The following RAP1GAP2 variants were observed in gnomAD, a reference collection of about 807,000 sequenced individuals.
RAP1GAP2 encodes rap1 GTPase-activating protein 2.
RAP1GAP2 carries 27 observed loss-of-function variants against 95.0 expected under a neutral mutation model. The observed-to-expected ratio is 0.28, with a 90% CI of 0.21 to 0.39. The LOEUF (loss-of-function observed/expected upper bound fraction) is 0.39. RAP1GAP2 is among the 10% of genes least tolerant of loss of function. The pLI, the probability that RAP1GAP2 is intolerant of heterozygous loss-of-function variation, is 1.00. For missense variants in RAP1GAP2, 771 were observed against 970.0 expected, an observed-to-expected ratio of 0.79 and a Z score of 2.72; for synonymous variants, 373 against 380.9, an observed-to-expected ratio of 0.98 and a Z score of 0.24.
chr17:2,957,671 G>A, intron 3 of RAP1GAP2, 88 bp from the exon 4 acceptor site: 2 of 1,411,582 alleles, frequency 1.4e-6, no homozygotes, highest in East Asian at 4.8e-5. Flanking sequence ...CCCAGGCTCA[G>A]CTTCCTGATA....
At chr17:2,884,517 C>G (rs370386831) in intron 2 of RAP1GAP2, among the ~76,000 whole-genome samples, 2 of 151,710 alleles carry the variant, frequency 1.3e-5, no homozygotes, top group African/African-American at 4.8e-5. Flanking sequence ...GGACTACAGG[C>G]GTGCACCACT....
rs2047160450 is a variant in RAP1GAP2, at chr17:3,027,411, C to T, written c.2107+341C>T. Among the ~76,000 whole-genome samples, 1 of 152,150 alleles carries T rather than the reference C, an allele frequency of 6.6e-6. No individual in the cohort carries two copies. Among genetic ancestry groups the T allele is most frequent in the African/African-American group, 2.4e-5 (1 of 41,434 alleles). On this transcript the variant is annotated intron_variant, in intron 22 of 24. Coordinates refer to ENST00000254695, the MANE Select transcript of RAP1GAP2 (RefSeq NM_015085.5). The surrounding 1 kb of genome is among the most constrained non-coding windows in gnomAD (Gnocchi z 5.2). ...GTGCTCCAACCCTTCTCCCCACCTG[C>T]CAGCGCTCCAGGGCTGCCAGGGCCC...
intron 4 of RAP1GAP2, among the ~76,000 whole-genome samples, chr17:2,960,957 T>C (rs1355455201): frequency 1.3e-5 from 2 of 152,246 alleles, no homozygotes; most frequent in Non-Finnish European, 2.9e-5. Context: ...GGCTCACGCC[T>C]GTAATCCCAG....
chr17:3,007,326 C>T (rs534612234), intron 16 of RAP1GAP2, among the ~76,000 whole-genome samples: 12 of 152,074 alleles, frequency 7.9e-5, no homozygotes, highest in Non-Finnish European at 1.5e-4. Context: ...TCATTGAGAA[C>T]GATGGTGACA....
chr17:2,793,475 G>A (rs1302906796), upstream of RAP1GAP2, among the ~76,000 whole-genome samples: 1 of 152,164 alleles, frequency 6.6e-6, no homozygotes, highest in African/African-American at 2.4e-5. Flanking sequence ...TTCTTGCAAC[G>A]TATGCAACAC....
At chr17:2,793,406 G>A (rs1172754969), upstream of RAP1GAP2, among the ~76,000 whole-genome samples, 1 of 152,104 alleles carries the variant, frequency 6.6e-6, no homozygotes, top group African/African-American at 2.4e-5. Flanking sequence ...TCCCTGCCTC[G>A]GTCTCCCAAA....
chr17:3,037,043 TAA>T lies in RAP1GAP2; in HGVS notation c.*3684_*3685del, dbSNP rs1406966037. 6.6e-6 allele frequency: 1 copy of T among 152,546 alleles called. No individual in the cohort carries two copies. Among genetic ancestry groups the T allele is most frequent in the Admixed American group, 6.5e-5 (1 of 15,274 alleles). 9.4% of individuals were successfully genotyped at this position (152,546 alleles called of 1,614,324 possible). On this transcript the variant is annotated 3_prime_UTR_variant, in exon 25 of 25. Coordinates refer to ENST00000254695, the MANE Select transcript of RAP1GAP2 (RefSeq NM_015085.5). The stretch of plus-strand genomic sequence containing the variant: ...CTGTATCGAGGCAAGGGGAGGCCAG[TAA>T]AGTTTGCCAAGCCTGATCCTGCAGC...
intron 1 of RAP1GAP2, among the ~76,000 whole-genome samples, chr17:2,757,283 T>G (rs2071165889): frequency 6.6e-6 from 1 of 151,950 alleles, no homozygotes; most frequent in Non-Finnish European, 1.5e-5. Flanking sequence ...CACGCCCAGC[T>G]AATTTTTGTA....
At chr17:2,851,083 AAAGT>A (rs1013637051) in intron 2 of RAP1GAP2, among the ~76,000 whole-genome samples, 2 of 152,152 alleles carry the variant, frequency 1.3e-5, no homozygotes, top group African/African-American at 4.8e-5. Context: ...AAAAAGTGAA[AAAGT>A]AAGTTGATGT....
In RAP1GAP2 at chr17:3,004,868, G is replaced by A. The variant is rs117464358; in HGVS notation, c.1201-501G>A. 0.014 allele frequency among the ~76,000 whole-genome samples: 2,083 copies of A among 152,348 alleles called. 20 individuals are homozygous for A. Among genetic ancestry groups the A allele is most frequent in the Non-Finnish European group, 0.021 (1,409 of 68,026 alleles). On this transcript the variant is annotated intron_variant, in intron 14 of 24. Coordinates refer to ENST00000254695, the MANE Select transcript of RAP1GAP2 (RefSeq NM_015085.5). This position sits in a 1 kb window ranked among gnomAD's most constrained non-coding sequence, Gnocchi z 4.1. ...AGCAATTCTGATTTATGGCCGAGCT[G>A]AGGAGTCAGGCTTGGGAAGAGAACC... is the stretch of plus-strand genomic sequence containing the variant.
At chr17:2,974,835 C>G (rs575926609) in intron 8 of RAP1GAP2, among the ~76,000 whole-genome samples, 2 of 148,672 alleles carry the variant, frequency 1.3e-5, no homozygotes, top group East Asian at 3.9e-4. Context: ...GGAGGATTAA[C>G]AAAAAGAAAG....
intron 2 of RAP1GAP2, among the ~76,000 whole-genome samples, chr17:2,848,771 T>C (rs2071697223): frequency 1.3e-5 from 2 of 152,118 alleles, no homozygotes; most frequent in Non-Finnish European, 1.5e-5. Context: ...GCCACGGCCT[T>C]CCAAAGTGTT....
chr17:2,948,152 A>T (rs758838610), intron 3 of RAP1GAP2, among the ~76,000 whole-genome samples: 1 of 152,110 alleles, frequency 6.6e-6, no homozygotes, highest in Non-Finnish European at 1.5e-5. Context: ...CAGCTCTGTG[A>T]GTTAGCGGTC....
chr17:3,006,376 T>C (rs1190731856), intron 16 of RAP1GAP2, among the ~76,000 whole-genome samples: 1 of 151,362 alleles, frequency 6.6e-6, no homozygotes, highest in Non-Finnish European at 1.5e-5. Context: ...GTGATCCGCC[T>C]GGCCCAGCCT....
At chr17:2,898,104 G>T (rs1217197822) in intron 2 of RAP1GAP2, among the ~76,000 whole-genome samples, 1 of 151,984 alleles carries the variant, frequency 6.6e-6, no homozygotes, top group Non-Finnish European at 1.5e-5. Flanking sequence ...ATGGAGATGG[G>T]ATTTCACCAT....
At chr17:2,767,491 G>A (rs2068299284) in intron 1 of RAP1GAP2, among the ~76,000 whole-genome samples, 1 of 151,676 alleles carries the variant, frequency 6.6e-6, no homozygotes, top group Admixed American at 6.6e-5. Context: ...AACCCAGGAG[G>A]TGACTTTTAT....
upstream of RAP1GAP2, among the ~76,000 whole-genome samples, chr17:2,773,515 T>G (rs543117804): frequency 6.6e-6 from 1 of 151,952 alleles, no homozygotes; most frequent in Non-Finnish European, 1.5e-5. Context: ...CTGAGTTCTA[T>G]TCAGTGTGTT....
At position 2,866,845 on chromosome 17, in the gene RAP1GAP2, C is replaced by T. The variant is rs2072633638; in HGVS notation, c.81-38439C>T. 6.6e-6 allele frequency among the ~76,000 whole-genome samples: 1 copy of T among 151,816 alleles called. No homozygotes were observed. The highest frequency in any genetic ancestry group is 1.5e-5 in the Non-Finnish European group (1 of 67,976). On this transcript the variant is annotated intron_variant, in intron 2 of 24. Coordinates refer to ENST00000254695, the MANE Select transcript of RAP1GAP2 (RefSeq NM_015085.5). The surrounding 1 kb of genome is among the most constrained non-coding windows in gnomAD (Gnocchi z 4.0). ...GAACTCCTGGCCTCAAGCGATCTGC[C>T]TGTCTTGGCCTCCCAAAGTGCTGGG...
intron 2 of RAP1GAP2, among the ~76,000 whole-genome samples, chr17:2,865,620 T>C (rs1172119159): frequency 6.6e-6 from 1 of 152,230 alleles, no homozygotes; most frequent in Non-Finnish European, 1.5e-5. Context: ...AATAGGTCAC[T>C]GAAACAGGCC....
Sources: gnomAD v4.1 joint callset for allele counts (sites outside exome capture counted in the v4.1 genomes callset) on GRCh38, gnomAD v4.1.1 for gene constraint, Gnocchi (gnomAD v3.1) non-coding constraint, MANE v1.5 for transcripts, NCBI Gene and HGNC (gene_info 2026-07-23, HGNC 2026-07-21) for gene names.